SPATA31F1: variants seen among roughly 807,000 people sequenced by gnomAD.
SPATA31F1 encodes the protein SPATA31 subfamily F member 1.
chr9:34,723,524 G>A, the SPATA31F1 span: 1 of 1,551,804 alleles, frequency 6.4e-7, no homozygotes, highest in Non-Finnish European at 8.7e-7. Context: ...CACCTTCGCA[G>A]CGGCTGAGAA....
chr9:34,726,566 A>G, the SPATA31F1 span: 1 of 1,551,620 alleles, frequency 6.4e-7, no homozygotes, highest in Non-Finnish European at 8.7e-7. Flanking sequence ...TGGCTTCTCA[A>G]TCCTTGAAGA....
chr9:34,724,743 C>A, the SPATA31F1 span: 1 of 1,551,770 alleles, frequency 6.4e-7, no homozygotes, highest in South Asian at 1.2e-5. Context: ...ATACACTGTT[C>A]TTCAAATGAA....
chr9:34,729,353 A>C, the SPATA31F1 span: 3 of 1,551,858 alleles, frequency 1.9e-6, no homozygotes, highest in Non-Finnish European at 2.6e-6. Flanking sequence ...AGATAATTAC[A>C]ATAACGATGA....
chr9:34,729,118 G>A, the SPATA31F1 span, among the ~76,000 whole-genome samples: 2 of 152,168 alleles, frequency 1.3e-5, no homozygotes, highest in Non-Finnish European at 2.9e-5. Flanking sequence ...TATGTTGCGG[G>A]AAGGGCCTGG....
At chr9:34,724,259 T>C in the SPATA31F1 span, 1 of 1,551,526 alleles carries the variant, frequency 6.4e-7, no homozygotes, top group Non-Finnish European at 8.7e-7. Flanking sequence ...CTGTGAGATC[T>C]TGGAGACCGA....
chr9:34,723,237 T>A, the SPATA31F1 span: 1 of 1,551,134 alleles, frequency 6.4e-7, no homozygotes, highest in Non-Finnish European at 8.7e-7. Flanking sequence ...AGGAGCTAGG[T>A]TGGGTGCCCT....
the SPATA31F1 span, chr9:34,724,034 C>T: frequency 1.8e-5 from 28 of 1,534,748 alleles, no homozygotes; most frequent in African/African-American, 5.5e-5. Context: ...GGTTGAGGAG[C>T]GCCCAAACCC....
the SPATA31F1 span, chr9:34,723,564 T>C: frequency 6.4e-7 from 1 of 1,551,778 alleles, no homozygotes; most frequent in Admixed American, 2.0e-5. Context: ...TTGCCTTTTG[T>C]CTTGGGGTTA....
the SPATA31F1 span, chr9:34,726,962 C>A: frequency 6.5e-7 from 1 of 1,550,350 alleles, no homozygotes; most frequent in South Asian, 1.2e-5. Flanking sequence ...TCGCCGCACA[C>A]TTCTCTCCAG....
chr9:34,724,900 C>T, the SPATA31F1 span: 5 of 1,550,236 alleles, frequency 3.2e-6, no homozygotes. Context: ...AGGCCAGATG[C>T]TTGTGCCGTA....
the SPATA31F1 span, chr9:34,723,442 C>T: frequency 1.2e-3 from 1,900 of 1,551,692 alleles, 3 homozygotes; most frequent in Non-Finnish European, 1.5e-3. Flanking sequence ...TCGGCTTCTC[C>T]GTCTTACTTC....
chr9:34,723,639 G>T, the SPATA31F1 span: 1 of 1,551,656 alleles, frequency 6.4e-7, no homozygotes, highest in South Asian at 1.2e-5. Context: ...GGCTTCTTTT[G>T]AGCATGGACT....
At chr9:34,725,808 G>T in the SPATA31F1 span, 7 of 1,549,368 alleles carry the variant, frequency 4.5e-6, no homozygotes, top group Middle Eastern at 1.7e-4. Context: ...GGGAGCAGTT[G>T]GGGGAAGGAG....
chr9:34,726,961 A>C, the SPATA31F1 span: 1 of 1,550,166 alleles, frequency 6.5e-7, no homozygotes, highest in Non-Finnish European at 8.7e-7. Flanking sequence ...TTCGCCGCAC[A>C]CTTCTCTCCA....
chr9:34,728,631 T>A, the SPATA31F1 span: 2 of 1,551,240 alleles, frequency 1.3e-6, no homozygotes, highest in Non-Finnish European at 1.7e-6. Context: ...CATCTCTAGC[T>A]CTTTGCCTGA....
At chr9:34,723,557 C>T in the SPATA31F1 span, 4 of 1,551,762 alleles carry the variant, frequency 2.6e-6, no homozygotes, top group Non-Finnish European at 3.5e-6. Flanking sequence ...ATGCCCTTTG[C>T]CTTTTGTCTT....
At chr9:34,729,426 A>G in the SPATA31F1 span, 12 of 1,548,998 alleles carry the variant, frequency 7.7e-6, no homozygotes, top group Admixed American at 9.8e-5. Flanking sequence ...AGGGCTCAAC[A>G]TGGTCTAAAC....
chr9:34,723,938 C>T, the SPATA31F1 span: 759,983 of 1,549,956 alleles, frequency 0.49, 193,176 homozygotes, highest in East Asian at 0.63. Flanking sequence ...ATGAAAGCTA[C>T]GGCTCCATCG....
chr9:34,723,621 T>TAA, the SPATA31F1 span: 1 of 1,551,790 alleles, frequency 6.4e-7, no homozygotes, highest in Non-Finnish European at 8.7e-7. Flanking sequence ...CTAGACTCTG[T>TAA]AAGGCTGGGC....
Sources: allele counts gnomAD v4.1 joint callset (sites outside exome capture counted in the v4.1 genomes callset), GRCh38; gene constraint gnomAD v4.1.1; transcripts MANE v1.5; gene names NCBI Gene and HGNC (gene_info 2026-07-23, HGNC 2026-07-21).